The following THADA variants were observed in gnomAD, a reference collection of about 807,000 sequenced individuals.
THADA encodes THADA armadillo repeat containing.
In THADA, 213 loss-of-function variants were observed where a neutral mutation model predicts 219.8. The observed-to-expected ratio is 0.97, with a 90% CI of 0.87 to 1.09. The LOEUF (loss-of-function observed/expected upper bound fraction) is 1.09. THADA is among the 50% of genes least tolerant of loss of function. The pLI is 0.00. For missense variants in THADA, 2,956 were observed against 2,311.3 expected, an observed-to-expected ratio of 1.28 and a Z score of -5.72; for synonymous variants, 1,018 against 828.9, an observed-to-expected ratio of 1.23 and a Z score of -3.92.
chr2:43,282,664 C>A (rs1459099337), intron 35 of THADA, among the ~76,000 whole-genome samples: 1 of 152,132 alleles, frequency 6.6e-6, no homozygotes, highest in South Asian at 2.1e-4. Flanking sequence ...TGAAGCACAG[C>A]TGTAGAACCT....
Position 43,587,104 on chromosome 2 carries a change from T to G in THADA, c.303-102A>C, listed in dbSNP as rs1424088425. On this transcript the variant is annotated intron_variant, in intron 4 of 37. Coordinates refer to ENST00000405975, the MANE Select transcript of THADA (RefSeq NM_022065.5). Reference sequence around the variant, plus strand: ...AAATGTGGGAATACTGAACTAAATCTTCAAAATACAGCCAGAAAACTACAA... The same window carrying G: ...AAATGTGGGAATACTGAACTAAATCGTCAAAATACAGCCAGAAAACTACAA... 3.2e-6 allele frequency: 4 copies of G among 1,233,194 alleles called. No individual in the cohort carries two copies. The Admixed American group carries it at 7.2e-5, about 22-fold the overall frequency. 76.4% of individuals were successfully genotyped at this position (1,233,194 alleles called of 1,614,324 possible). A position where few individuals can be genotyped will look rare whatever the true frequency, so the allele number is the denominator to read the frequency against.
At chr2:43,508,481 A>C (rs773208323) in intron 23 of THADA, among the ~76,000 whole-genome samples, 167 bp downstream of exon 23, 1 of 152,178 alleles carries the variant, frequency 6.6e-6, no homozygotes, top group Non-Finnish European at 1.5e-5. Flanking sequence ...ATCTTGTCAC[A>C]GGAACACACC....
intron 22 of THADA, among the ~76,000 whole-genome samples, chr2:43,519,296 C>T (rs1467928743): frequency 6.6e-6 from 1 of 152,122 alleles, no homozygotes; most frequent in African/African-American, 2.4e-5. Context: ...CTGCTAACCT[C>T]TGAAATGCTA....
At chr2:43,265,257 C>A (rs951311611) in intron 36 of THADA, among the ~76,000 whole-genome samples, 21 of 152,240 alleles carry the variant, frequency 1.4e-4, no homozygotes, top group Non-Finnish European at 3.1e-4. Context: ...ATCTGGACAA[C>A]CTCCTGGGCC....
At chr2:43,236,340 C>T (rs933262199) in intron 36 of THADA, among the ~76,000 whole-genome samples, 2 of 152,188 alleles carry the variant, frequency 1.3e-5, no homozygotes, top group East Asian at 1.9e-4. Context: ...CTTGAGGGAC[C>T]AGCTGCAACC....
chr2:43,471,645 T>C (rs1321519731), intron 26 of THADA, among the ~76,000 whole-genome samples: 4 of 152,218 alleles, frequency 2.6e-5, no homozygotes, highest in African/African-American at 7.2e-5. Context: ...TCCTAATATA[T>C]AGGCTAAAAC....
At chr2:43,586,621 C>T (rs984766040) in intron 6 of THADA, 81 bp downstream of exon 6, 73 of 1,474,558 alleles carry the variant, frequency 5.0e-5, no homozygotes, top group Non-Finnish European at 6.6e-5. Flanking sequence ...TACCTATTAC[C>T]AAGAAACTTA....
chr2:43,270,822 G>C (rs915197003), intron 36 of THADA, among the ~76,000 whole-genome samples: 5 of 152,138 alleles, frequency 3.3e-5, no homozygotes, highest in Non-Finnish European at 5.9e-5. Flanking sequence ...ACAGCCACCA[G>C]TACTCCAGCC....
intron 30 of THADA, among the ~76,000 whole-genome samples, chr2:43,324,273 G>A (rs1370150294): frequency 2.0e-5 from 3 of 152,204 alleles, no homozygotes; most frequent in Non-Finnish European, 2.9e-5. Flanking sequence ...GAAGTGTTCT[G>A]CATCTTCCCT....
intron 29 of THADA, among the ~76,000 whole-genome samples, chr2:43,378,875 G>A (rs888975438): frequency 2.0e-5 from 3 of 152,152 alleles, no homozygotes; most frequent in African/African-American, 7.2e-5. Context: ...CAAAGTGCTG[G>A]GATTGCAGAC....
chr2:43,522,396 A>G (rs1030522865), intron 22 of THADA, among the ~76,000 whole-genome samples: 1 of 152,188 alleles, frequency 6.6e-6, no homozygotes, highest in African/African-American at 2.4e-5. Flanking sequence ...TAATACAATG[A>G]CCAAATCTAA....
Position 43,574,642 on chromosome 2 carries a change from T to C in THADA, c.1423A>G (p.Lys475Glu), listed in dbSNP as rs778997097. The change falls in exon 11 of 38, where the codon AAA (lysine) becomes GAA (glutamate). Residue 475 changes from lysine (K) to glutamate (E), a missense_variant. By Grantham distance (56) the Lys-to-Glu change is moderately conservative (BLOSUM62 1). Transcript: ENST00000405975. ...IGVEHILAID[K>E]TIPSQILEVM... ...TCTAAGATTTGAGATGGAATAGTTTTATCTATAGCCAAAATATGTTCAACT... is the reference window on the plus strand; with the variant it reads ...TCTAAGATTTGAGATGGAATAGTTTCATCTATAGCCAAAATATGTTCAACT... 3.1e-6 allele frequency: 5 copies of C among 1,613,888 alleles called. No individual in the cohort carries two copies. In the South Asian group the frequency reaches 5.5e-5, roughly 18 times the overall value.
chr2:43,581,433 G>C (rs1700432135), intron 8 of THADA, among the ~76,000 whole-genome samples: 1 of 151,830 alleles, frequency 6.6e-6, no homozygotes, highest in Admixed American at 6.6e-5. Context: ...CAGAAGCGGA[G>C]GCACGAGAAT....
At chr2:43,301,155 G>A (rs1676216883) in intron 31 of THADA, among the ~76,000 whole-genome samples, 1 of 152,270 alleles carries the variant, frequency 6.6e-6, no homozygotes, top group South Asian at 2.1e-4. Context: ...ACACTCCTCA[G>A]GGCCAACTTT....
intron 1 of THADA, chr2:43,592,894 C>A (rs1440554234): frequency 6.6e-6 from 1 of 152,044 alleles, no homozygotes; most frequent in Admixed American, 6.5e-5. Flanking sequence ...CTGATTTCTG[C>A]AAAAATGAAA....
At chr2:43,519,040 C>T (rs1692086084) in intron 22 of THADA, among the ~76,000 whole-genome samples, 1 of 151,834 alleles carries the variant, frequency 6.6e-6, no homozygotes, top group Admixed American at 6.6e-5. Flanking sequence ...GCTTGCCTTG[C>T]TTTTTGCCAA....
chr2:43,340,505 A>C (rs1654264175), intron 30 of THADA, among the ~76,000 whole-genome samples: 1 of 152,236 alleles, frequency 6.6e-6, no homozygotes, highest in African/African-American at 2.4e-5. Context: ...TTGAGAACAA[A>C]AGGACAAATA....
chr2:43,505,279 A>G (rs1289158973), intron 24 of THADA, among the ~76,000 whole-genome samples: 2 of 152,186 alleles, frequency 1.3e-5, no homozygotes, highest in South Asian at 2.1e-4. Context: ...TTTGATTAAT[A>G]TATTCAACTA....
At chr2:43,290,769 T>C (rs1434545467) in intron 34 of THADA, among the ~76,000 whole-genome samples, 6 of 151,890 alleles carry the variant, frequency 4.0e-5, no homozygotes, top group Admixed American at 3.9e-4. Flanking sequence ...TTTCCTGTGG[T>C]ATTGGCTGCC....
Sources: gnomAD v4.1 joint callset for allele counts (sites outside exome capture counted in the v4.1 genomes callset) on GRCh38, gnomAD v4.1.1 for gene constraint, MANE v1.5 for transcripts, NCBI Gene and HGNC (gene_info 2026-07-23, HGNC 2026-07-21) for gene names.